DLGAP2: variants seen among roughly 807,000 people sequenced by gnomAD.
The protein encoded by DLGAP2 is DLG associated protein 2.
DLGAP2 carries 26 observed loss-of-function variants against 100.3 expected under a neutral mutation model. The observed-to-expected ratio is 0.26, with a 90% CI of 0.19 to 0.36. The LOEUF is 0.36. DLGAP2 is among the 10% of genes least tolerant of loss of function. The probability of loss-of-function intolerance (pLI) is 1.00; values close to 1 mark genes in which losing one functional copy is unlikely to be tolerated. For missense variants in DLGAP2, 1,858 were observed against 1,453.2 expected, an observed-to-expected ratio of 1.28 and a Z score of -4.53; for synonymous variants, 886 against 630.1, an observed-to-expected ratio of 1.41 and a Z score of -6.08.
At chr8:1,564,727 A>C (rs1308156885) in intron 5 of DLGAP2, among the ~76,000 whole-genome samples, 1 of 151,610 alleles carries the variant, frequency 6.6e-6, no homozygotes, top group African/African-American at 2.4e-5. Context: ...TGGTTGCTCA[A>C]GTCTGCACCA....
chr8:1,668,691 G>C lies in DLGAP2; in HGVS notation c.2160+13G>C, dbSNP rs113829539. ...CATCGGGATTCAGGTAGCTGCTCTT[G>C]GCCGCCCGTCAGGGCCTCGCTCCAC... On this transcript the variant is annotated intron_variant, in intron 9 of 14. Transcript: ENST00000637795. 44 of 1,512,954 alleles carry C rather than the reference G, an allele frequency of 2.9e-5. No individual in the cohort carries two copies. The African/African-American group carries it at 3.7e-4, about 13-fold the overall frequency. 93.7% of individuals were successfully genotyped at this position (1,512,954 alleles called of 1,614,324 possible).
intron 3 of DLGAP2, among the ~76,000 whole-genome samples, chr8:1,458,588 G>T (rs920878902): frequency 1.3e-5 from 2 of 152,188 alleles, no homozygotes; most frequent in Admixed American, 6.5e-5. Context: ...CTGCAAAGTG[G>T]TGTGTAAATG....
chr8:1,303,711 G>C (rs1250374921), intron 3 of DLGAP2, among the ~76,000 whole-genome samples: 1 of 152,106 alleles, frequency 6.6e-6, no homozygotes, highest in Non-Finnish European at 1.5e-5. Flanking sequence ...TGGGAGGCAC[G>C]GGTGCTTCCT....
At chr8:1,454,849 G>T (rs1323609066) in intron 3 of DLGAP2, among the ~76,000 whole-genome samples, 1 of 152,184 alleles carries the variant, frequency 6.6e-6, no homozygotes, top group Non-Finnish European at 1.5e-5. Flanking sequence ...ATGATGGAAG[G>T]TTAGGGCCTT....
intron 3 of DLGAP2, among the ~76,000 whole-genome samples, chr8:1,494,794 C>A (rs1799496833): frequency 6.6e-6 from 1 of 152,038 alleles, no homozygotes; most frequent in Non-Finnish European, 1.5e-5. Context: ...AAACAGACAC[C>A]ACCACACCAC....
intron 2 of DLGAP2, among the ~76,000 whole-genome samples, chr8:1,098,453 T>C (rs911283850): frequency 1.3e-5 from 2 of 152,154 alleles, no homozygotes; most frequent in Non-Finnish European, 2.9e-5. Context: ...TTTTACAACT[T>C]GGTGGGTAAA....
intron 2 of DLGAP2, among the ~76,000 whole-genome samples, chr8:978,205 C>T (rs1313197268): frequency 2.7e-5 from 3 of 111,978 alleles, no homozygotes; most frequent in Admixed American, 9.2e-5. Flanking sequence ...GTGGGGAGGG[C>T]GTCGGGGATG....
chr8:1,233,390 ACCT>A (rs1798577512), intron 2 of DLGAP2, among the ~76,000 whole-genome samples: 1 of 152,164 alleles, frequency 6.6e-6, no homozygotes, highest in Non-Finnish European at 1.5e-5. Context: ...CTCAGCTGTA[ACCT>A]CCTGGGAGCA....
At chr8:985,737 G>T (rs1412023215) in intron 2 of DLGAP2, among the ~76,000 whole-genome samples, 1 of 152,198 alleles carries the variant, frequency 6.6e-6, no homozygotes, top group Non-Finnish European at 1.5e-5. Flanking sequence ...TCATGAGAAA[G>T]ATTATTTCAA....
intron 2 of DLGAP2, among the ~76,000 whole-genome samples, chr8:1,155,814 A>G (rs1421706909): frequency 6.6e-6 from 1 of 152,154 alleles, no homozygotes; most frequent in Non-Finnish European, 1.5e-5. Flanking sequence ...CATTCGTGGA[A>G]TGAACACACG....
intron 1 of DLGAP2, among the ~76,000 whole-genome samples, chr8:766,340 T>G (rs1027373728): frequency 6.6e-6 from 1 of 152,210 alleles, no homozygotes; most frequent in Non-Finnish European, 1.5e-5. Context: ...TGCACACCCC[T>G]TGTTGGTCAA....
At chr8:966,737 A>C (rs1440432290) in intron 2 of DLGAP2, among the ~76,000 whole-genome samples, 4 of 152,206 alleles carry the variant, frequency 2.6e-5, no homozygotes, top group African/African-American at 9.7e-5. Context: ...CATAGAAGCA[A>C]ATGGACTGAG....
At chr8:869,510 C>T (rs962419181) in intron 1 of DLGAP2, among the ~76,000 whole-genome samples, 14 of 152,166 alleles carry the variant, frequency 9.2e-5, no homozygotes, top group Non-Finnish European at 1.8e-4. Context: ...TATTTTACTC[C>T]GTGGAAAGTG....
chr8:859,795 G>A (rs1797355723), intron 1 of DLGAP2, among the ~76,000 whole-genome samples: 1 of 152,150 alleles, frequency 6.6e-6, no homozygotes. Flanking sequence ...GGGTTAACTG[G>A]CAACCCTAAT....
At chr8:922,866 T>G (rs912056266) in intron 2 of DLGAP2, among the ~76,000 whole-genome samples, 4 of 152,200 alleles carry the variant, frequency 2.6e-5, no homozygotes, top group Admixed American at 2.0e-4. Flanking sequence ...GCAGGCATCT[T>G]AAGCACTGAT....
At chr8:1,346,163 C>G (rs1039049877) in intron 3 of DLGAP2, among the ~76,000 whole-genome samples, 4 of 152,188 alleles carry the variant, frequency 2.6e-5, no homozygotes, top group African/African-American at 9.7e-5. Flanking sequence ...CTGATGGTAA[C>G]TGTGTGGAGT....
intron 3 of DLGAP2, among the ~76,000 whole-genome samples, chr8:1,450,696 C>T (rs1238153823): frequency 6.6e-6 from 1 of 152,072 alleles, no homozygotes; most frequent in Non-Finnish European, 1.5e-5. Context: ...GGCCTATGTC[C>T]CCAGGGCCTT....
rs1799650802 is a variant in DLGAP2 at position 1,704,413 on chromosome 8, C to T, written c.*3007C>T. On this transcript the variant is annotated 3_prime_UTR_variant, in exon 15 of 15. Transcript: ENST00000637795. ...GTGTTGAAGGCTGTGGTTAATAAAA[C>T]ACAAGTATGATAAACAGGACCTAGC... 1 of 152,208 alleles carries T rather than the reference C, an allele frequency of 6.6e-6. No homozygotes were observed. The highest frequency in any genetic ancestry group is 6.5e-5 in the Admixed American group (1 of 15,278). 9.4% of individuals were successfully genotyped at this position (152,208 alleles called of 1,614,324 possible).
chr8:776,569 C>A (rs1381360849), intron 1 of DLGAP2, among the ~76,000 whole-genome samples: 2 of 152,198 alleles, frequency 1.3e-5, no homozygotes, highest in African/African-American at 4.8e-5. Context: ...CTCTTGGTTT[C>A]AAAGAACATC....
Sources: gnomAD v4.1 joint callset for allele counts (sites outside exome capture counted in the v4.1 genomes callset) on GRCh38, gnomAD v4.1.1 for gene constraint, MANE v1.5 for transcripts, NCBI Gene and HGNC (gene_info 2026-07-23, HGNC 2026-07-21) for gene names.